The following RRN3 variants were observed in gnomAD, a reference collection of about 807,000 sequenced individuals.
RRN3 encodes the protein RNA polymerase I-specific transcription initiation factor RRN3.
A neutral mutation model predicts 82.3 loss-of-function variants in RRN3; 38 were observed. That is an observed-to-expected ratio of 0.46 (90% CI 0.36 to 0.61). The LOEUF (loss-of-function observed/expected upper bound fraction) is 0.61. Ranked by LOEUF, RRN3 falls within the 20% of genes least tolerant of loss-of-function variation. The pLI, the probability that RRN3 is intolerant of heterozygous loss-of-function variation, is 0.00. For synonymous variants in RRN3, 284 were observed against 284.3 expected, an observed-to-expected ratio of 1.00 and a Z score of 0.01; for missense variants, 726 against 793.1, an observed-to-expected ratio of 0.92 and a Z score of 1.02.
intron 8 of RRN3, among the ~76,000 whole-genome samples, chr16:15,080,978 C>T (rs1317963466): frequency 2.6e-5 from 4 of 151,976 alleles, no homozygotes; most frequent in Non-Finnish European, 4.4e-5. Flanking sequence ...AACATGTAAA[C>T]CATTCCTTTC....
At chr16:15,064,345 T>C (rs1378087780) in intron 16 of RRN3, among the ~76,000 whole-genome samples, 1 of 152,144 alleles carries the variant, frequency 6.6e-6, no homozygotes. Flanking sequence ...CAGCTAATTT[T>C]TGTATTTTTA....
Position 15,060,835 on chromosome 16 carries a change from A to G in RRN3, c.*909T>C, listed in dbSNP as rs1333352329. 5 of 152,272 alleles carry G rather than the reference A, an allele frequency of 3.3e-5. No individual in the cohort carries two copies. Among genetic ancestry groups the G allele is most frequent in the Admixed American group, 6.5e-5 (1 of 15,286 alleles). 9.4% of individuals were successfully genotyped at this position (152,272 alleles called of 1,614,324 possible). A position where few individuals can be genotyped will look rare whatever the true frequency, so the allele number is the denominator to read the frequency against. ...ATCTAAAAAAATTTTCCTGTTTCCA[A>G]CAAAGAAATTCCCAATAACTAAGTG... On this transcript the variant is annotated 3_prime_UTR_variant, in exon 18 of 18. Transcript: ENST00000198767.
Position 15,094,251 on chromosome 16 carries a change from A to C in RRN3, c.-18T>G. 6.4e-7 allele frequency: 1 copy of C among 1,554,972 alleles called. No homozygotes were observed. The highest frequency in any genetic ancestry group is 8.7e-7 in the Non-Finnish European group (1 of 1,146,620). On this transcript the variant is annotated 5_prime_UTR_variant, in exon 1 of 18. Transcript: ENST00000198767. Reference sequence around the variant, plus strand: ...GCCGCCATTGGGCCGAACTAACGCGACCGCTGCGCCTCAGGCCGGATGCCC... The same window carrying C: ...GCCGCCATTGGGCCGAACTAACGCGCCCGCTGCGCCTCAGGCCGGATGCCC...
chr16:15,078,985 G>C (rs924029449), intron 9 of RRN3, among the ~76,000 whole-genome samples: 6 of 151,852 alleles, frequency 4.0e-5, no homozygotes, highest in African/African-American at 1.5e-4. Context: ...CCAATTTTTT[G>C]TATTTTTAGT....
intron 9 of RRN3, among the ~76,000 whole-genome samples, chr16:15,079,078 G>A (rs963481477): frequency 3.3e-5 from 5 of 152,082 alleles, no homozygotes; most frequent in Non-Finnish European, 5.9e-5. Context: ...CCAAAGTGCT[G>A]GGATTACATG....
chr16:15,087,227 A>G (rs991117853), intron 3 of RRN3, among the ~76,000 whole-genome samples: 1 of 152,234 alleles, frequency 6.6e-6, no homozygotes, highest in Admixed American at 6.5e-5. Flanking sequence ...CTACAGGGAT[A>G]TTCATATGGA....
At chr16:15,085,871 A>G (rs2045898248) in intron 5 of RRN3, among the ~76,000 whole-genome samples, 173 bp from the exon 6 acceptor site, 2 of 152,212 alleles carry the variant, frequency 1.3e-5, no homozygotes, top group South Asian at 4.1e-4. Flanking sequence ...AAGTAAAGCA[A>G]CTTTATAGTT....
rs1239246329 is a variant in RRN3, at chr16:15,075,554, C to T, written c.859-693G>A. Among the ~76,000 whole-genome samples, 3 of 151,262 alleles carry T rather than the reference C, an allele frequency of 2.0e-5. No individual in the cohort carries two copies. The Admixed American group carries it at 2.0e-4, about 10-fold the overall frequency. On this transcript the variant is annotated intron_variant, in intron 10 of 17. Transcript: ENST00000198767. The stretch of plus-strand genomic sequence containing the variant: ...CACTGCCACACTCCAGCCTGGGCAA[C>T]AGAGTGAGACCCTGTCTCAAATTAA...
intron 3 of RRN3, among the ~76,000 whole-genome samples, chr16:15,090,858 C>T (rs1300895430): frequency 6.7e-6 from 1 of 148,324 alleles, no homozygotes; most frequent in Non-Finnish European, 1.5e-5. Context: ...CCTGGAAATG[C>T]TGAATCAGTG....
chr16:15,078,590 T>C (rs2045561005), intron 9 of RRN3, among the ~76,000 whole-genome samples: 1 of 152,186 alleles, frequency 6.6e-6, no homozygotes, highest in African/African-American at 2.4e-5. Context: ...AACTCCTCCT[T>C]CCGGCGGATC....
intron 2 of RRN3, 113 bp downstream of exon 2, chr16:15,092,396 G>C: frequency 1.4e-6 from 1 of 702,634 alleles, no homozygotes; most frequent in Non-Finnish European, 2.6e-6. Context: ...TTAAATATTT[G>C]ATTTCAACTG....
Position 15,083,525 on chromosome 16 carries a change from T to A in RRN3, c.654A>T (p.Ser218=). 6.2e-7 allele frequency: 1 copy of A among 1,608,884 alleles called. No individual in the cohort carries two copies. The highest frequency in any genetic ancestry group is 8.5e-7 in the Non-Finnish European group (1 of 1,179,024). ...AAAGATTTCTTACCAGTGTTCTCTC[T>A]GATTTTCGAACAAATGGAAATTTTT... ...LVEKFPFVRK[S]ERTLECYVHN... is the part of the protein sequence containing the mutation. Residue 218 remains serine (S), a synonymous_variant, in exon 8 of 18, where the codon TCA becomes TCT. Coordinates refer to ENST00000198767, the MANE Select transcript of RRN3 (RefSeq NM_018427.5).
At chr16:15,088,027 T>C (rs900258881) in intron 3 of RRN3, among the ~76,000 whole-genome samples, 2 of 151,870 alleles carry the variant, frequency 1.3e-5, no homozygotes, top group Non-Finnish European at 2.9e-5. Flanking sequence ...GGCAGGAGAA[T>C]TGCTTAAAAA....
chr16:15,071,038 G>A, intron 13 of RRN3, 83 bp downstream of exon 13: 1 of 1,203,394 alleles, frequency 8.3e-7, no homozygotes, highest in East Asian at 2.4e-5. Context: ...CAAAAAAAAT[G>A]GGAGATATTT....
At chr16:15,075,819 G>A (rs1168057241) in intron 10 of RRN3, among the ~76,000 whole-genome samples, 2 of 152,256 alleles carry the variant, frequency 1.3e-5, no homozygotes, top group East Asian at 1.9e-4. Flanking sequence ...CCCTTTTGCA[G>A]GTCGGGATAT....
In RRN3 at chr16:15,061,781, G is replaced by A; in HGVS notation, c.1919C>T (p.Ser640Phe). The change falls in exon 18 of 18, where the codon TCC becomes TTC. Residue 640 changes from serine to phenylalanine, a missense_variant. Coordinates refer to ENST00000198767, the MANE Select transcript of RRN3 (RefSeq NM_018427.5). ...HFRSPSSSVG[S>F]PPVLYMQPSP... ...GGGTTGCATGTACAACACGGGTGGG[G>A]AGCCCACACTACTTGAAGGACTTCG... The A allele has an allele frequency of 1.2e-6, 2 of 1,614,028 alleles. No homozygotes were observed. The highest frequency in any genetic ancestry group is 1.7e-6 in the Non-Finnish European group (2 of 1,179,858).
At chr16:15,081,175 C>A (rs181296655) in intron 8 of RRN3, among the ~76,000 whole-genome samples, 3 of 152,190 alleles carry the variant, frequency 2.0e-5, no homozygotes, top group Non-Finnish European at 4.4e-5. Flanking sequence ...GCTGCTATGA[C>A]CATCCATGTA....
In RRN3 at chr16:15,060,874, C is replaced by G. The variant is rs1287325369; in HGVS notation, c.*870G>C. On this transcript the variant is annotated 3_prime_UTR_variant, in exon 18 of 18. Transcript: ENST00000198767. Reference sequence around the variant, plus strand: ...AATAACTAAGTGATGCAGATCAAAACTGACTCGATCTAATGGCCACCAAGG... The same window carrying G: ...AATAACTAAGTGATGCAGATCAAAAGTGACTCGATCTAATGGCCACCAAGG... 1.3e-5 allele frequency: 2 copies of G among 152,226 alleles called. No individual in the cohort carries two copies. Among genetic ancestry groups the G allele is most frequent in the Non-Finnish European group, 2.9e-5 (2 of 68,050 alleles). 9.4% of individuals were successfully genotyped at this position (152,226 alleles called of 1,614,324 possible).
At chr16:15,074,550 T>A in intron 11 of RRN3, 173 bp downstream of exon 11, 2 of 451,140 alleles carry the variant, frequency 4.4e-6, no homozygotes. Context: ...CCAGTCCCAT[T>A]TTCAAGCTAT....
Sources: allele counts gnomAD v4.1 joint callset (sites outside exome capture counted in the v4.1 genomes callset), GRCh38; gene constraint gnomAD v4.1.1; transcripts MANE v1.5; gene names NCBI Gene and HGNC (gene_info 2026-07-23, HGNC 2026-07-21).